Variants in PCGF5 observed in about 807,000 individuals in gnomAD.
PCGF5 encodes the protein polycomb group RING finger protein 5.
Under a neutral mutation model 44.3 loss-of-function variants are expected in PCGF5, and 9 were observed. That is an observed-to-expected ratio of 0.20 (90% CI 0.12 to 0.35). The LOEUF (loss-of-function observed/expected upper bound fraction) is 0.35. Among genes scored for constraint, PCGF5 ranks in the 10% least tolerant of loss-of-function variants. The pLI, the probability that PCGF5 is intolerant of heterozygous loss-of-function variation, is 1.00. For missense variants in PCGF5, 146 were observed against 305.3 expected (o/e 0.48, Z 3.89); for synonymous variants, 95 against 102.5 (o/e 0.93, Z 0.44).
At chr10:91,171,105 TAG>T (rs1843596349) in intron 1 of PCGF5, among the ~76,000 whole-genome samples, 1 of 152,144 alleles carries the variant, frequency 6.6e-6, no homozygotes, top group South Asian at 2.1e-4. Flanking sequence ...TGAACAGGTA[TAG>T]CACAGACGAT....
At chr10:91,179,332 TA>T (rs910607769) in intron 1 of PCGF5, among the ~76,000 whole-genome samples, 15 of 152,122 alleles carry the variant, frequency 9.9e-5, no homozygotes, top group African/African-American at 2.7e-4. Context: ...GTTTCTTTTT[TA>T]AAAAAAAATT....
chr10:91,271,729 A>G, intron 9 of PCGF5, 32 bp downstream of exon 9: 5 of 1,557,026 alleles, frequency 3.2e-6, no homozygotes, highest in Non-Finnish European at 4.4e-6. Context: ...ACATATGACC[A>G]TCATGACACC....
chr10:91,161,739 A>G (rs1843387575), upstream of PCGF5, among the ~76,000 whole-genome samples: 1 of 152,246 alleles, frequency 6.6e-6, no homozygotes. Flanking sequence ...GCTTCCTGCA[A>G]GATGAGGTTT....
intron 6 of PCGF5, among the ~76,000 whole-genome samples, chr10:91,254,819 C>A (rs1467459777): frequency 1.3e-5 from 2 of 152,046 alleles, no homozygotes; most frequent in Non-Finnish European, 2.9e-5. Flanking sequence ...TGTTCAGTGT[C>A]AGCTTTTTCA....
At chr10:91,197,614 G>C (rs936996875) in intron 1 of PCGF5, among the ~76,000 whole-genome samples, 3 of 152,142 alleles carry the variant, frequency 2.0e-5, no homozygotes, top group Admixed American at 6.5e-5. Context: ...TGAATTTACT[G>C]GGGAAAGGGC....
intron 6 of PCGF5, among the ~76,000 whole-genome samples, chr10:91,255,820 A>G (rs1033663916): frequency 3.3e-5 from 5 of 152,042 alleles, no homozygotes; most frequent in South Asian, 2.1e-4. Context: ...AGGACCCTTC[A>G]TGGATAAGAA....
chr10:91,160,352 G>A (rs1030863907), upstream of PCGF5, among the ~76,000 whole-genome samples: 3 of 152,338 alleles, frequency 2.0e-5, no homozygotes, highest in African/African-American at 7.2e-5. Context: ...GTACAGGAAA[G>A]GTAAGAGAAC....
intron 1 of PCGF5, among the ~76,000 whole-genome samples, chr10:91,202,198 G>A (rs1844266248): frequency 6.6e-6 from 1 of 152,192 alleles, no homozygotes; most frequent in Non-Finnish European, 1.5e-5. Flanking sequence ...CTGTATAAGT[G>A]CTATGATGAT....
At position 91,284,078 on chromosome 10, in the gene PCGF5, T is replaced by A. The variant is rs574209495; in HGVS notation, c.*5762T>A. 6.5e-6 allele frequency: 1 copy of A among 152,770 alleles called. No individual in the cohort carries two copies. Among genetic ancestry groups the A allele is most frequent in the East Asian group, 1.9e-4 (1 of 5,186 alleles). 9.5% of individuals were successfully genotyped at this position (152,770 alleles called of 1,614,324 possible). A position where few individuals can be genotyped will look rare whatever the true frequency, so the allele number is the denominator to read the frequency against. ...GAAATAAAATGCTGCTTAGAGATTC[T>A]CCTTAAATATTTTTTATTTTTGTGC... On this transcript the variant is annotated 3_prime_UTR_variant, in exon 10 of 10. Coordinates refer to ENST00000336126, the MANE Select transcript of PCGF5 (RefSeq NM_032373.5).
chr10:91,217,291 C>G (rs922431803), upstream of PCGF5, among the ~76,000 whole-genome samples: 2 of 152,190 alleles, frequency 1.3e-5, no homozygotes, highest in Non-Finnish European at 1.5e-5. Flanking sequence ...CTCGGCCTCC[C>G]GAAGTGCTGG....
intron 1 of PCGF5, among the ~76,000 whole-genome samples, chr10:91,174,957 G>A (rs901776907): frequency 1.3e-5 from 2 of 152,172 alleles, no homozygotes; most frequent in African/African-American, 4.8e-5. Context: ...ATAGACCTGT[G>A]GCAACTGCCT....
intron 9 of PCGF5, among the ~76,000 whole-genome samples, chr10:91,273,721 G>A (rs1189184157): frequency 6.6e-6 from 1 of 151,862 alleles, no homozygotes; most frequent in African/African-American, 2.4e-5. Context: ...AAAACTGACA[G>A]AGAACCCACA....
chr10:91,196,114 T>C (rs888779929), intron 1 of PCGF5, among the ~76,000 whole-genome samples: 4 of 151,966 alleles, frequency 2.6e-5, no homozygotes, highest in African/African-American at 9.7e-5. Context: ...TCAGAATGGC[T>C]CACTGGTTTC....
At chr10:91,268,408 C>G (rs1846095810) in intron 8 of PCGF5, among the ~76,000 whole-genome samples, 1 of 152,132 alleles carries the variant, frequency 6.6e-6, no homozygotes, top group Admixed American at 6.5e-5. Flanking sequence ...ATTTATTCTT[C>G]CAAATGAGCT....
chr10:91,159,667 A>C (rs1475012357), upstream of PCGF5, among the ~76,000 whole-genome samples: 1 of 152,200 alleles, frequency 6.6e-6, no homozygotes, highest in East Asian at 1.9e-4. Flanking sequence ...GGCAGTCTGA[A>C]CTGGGCAAGA....
the PCGF5 span, among the ~76,000 whole-genome samples, chr10:91,157,377 A>G: frequency 6.6e-6 from 1 of 152,206 alleles, no homozygotes; most frequent in African/African-American, 2.4e-5. Context: ...TATTTTATTG[A>G]TAGTCTGAAT....
intron 2 of PCGF5, among the ~76,000 whole-genome samples, chr10:91,232,240 C>G (rs1462733789): frequency 6.6e-6 from 1 of 152,000 alleles, no homozygotes; most frequent in African/African-American, 2.4e-5. Flanking sequence ...GTGGTCTTTT[C>G]AAGAGCAGTT....
In PCGF5 at chr10:91,282,997, C is replaced by T. The variant is rs548952327; in HGVS notation, c.*4681C>T. 1.3e-3 allele frequency: 194 copies of T among 152,284 alleles called. No individual in the cohort carries two copies. Among genetic ancestry groups the T allele is most frequent in the African/African-American group, 4.6e-3 (193 of 41,560 alleles). 9.4% of individuals were successfully genotyped at this position (152,284 alleles called of 1,614,324 possible). ...TGAAAAATATTAAATACACCAGAGA[C>T]TCAAACCCTTTCAAGGCACACAATA... On this transcript the variant is annotated 3_prime_UTR_variant, in exon 10 of 10. Transcript: ENST00000336126.
At chr10:91,166,877 A>G (rs1395286550) in intron 1 of PCGF5, among the ~76,000 whole-genome samples, 1 of 152,232 alleles carries the variant, frequency 6.6e-6, no homozygotes, top group Non-Finnish European at 1.5e-5. Flanking sequence ...AAGGCTCTTA[A>G]TAAATGGTAA....
Sources: gnomAD v4.1 joint callset for allele counts (sites outside exome capture counted in the v4.1 genomes callset) on GRCh38, gnomAD v4.1.1 for gene constraint, MANE v1.5 for transcripts, NCBI Gene and HGNC (gene_info 2026-07-23, HGNC 2026-07-21) for gene names.